URI1: variants seen among roughly 807,000 people sequenced by gnomAD.
The protein encoded by URI1 is URI1 prefoldin like chaperone.
URI1 carries 39 observed loss-of-function variants against 60.2 expected under a neutral mutation model. The ratio of observed to expected loss-of-function variants is 0.65; its 90% CI spans 0.50 to 0.85. The LOEUF (loss-of-function observed/expected upper bound fraction) is 0.85. URI1 is among the 40% of genes least tolerant of loss of function. The pLI is 0.00. For missense variants in URI1, 691 were observed against 665.9 expected (o/e 1.04, Z -0.42); for synonymous variants, 251 against 236.8 (o/e 1.06, Z -0.55).
chr19:29,972,557 G>C (rs1444708177), intron 2 of URI1, among the ~76,000 whole-genome samples: 2 of 152,058 alleles, frequency 1.3e-5, no homozygotes, highest in Non-Finnish European at 2.9e-5. Flanking sequence ...TACATAAATG[G>C]GTGAATGGTA....
intron 8 of URI1, 72 bp from the exon 9 acceptor site, chr19:30,011,022 A>T: frequency 6.7e-7 from 1 of 1,498,834 alleles, no homozygotes; most frequent in Non-Finnish European, 9.0e-7. Context: ...TTAGTTATAG[A>T]GTTTATTTGT....
intron 2 of URI1, among the ~76,000 whole-genome samples, chr19:29,974,522 A>G (rs1387280898): frequency 6.6e-6 from 1 of 152,098 alleles, no homozygotes; most frequent in South Asian, 2.1e-4. Flanking sequence ...ATAATCATCA[A>G]CTCATGATTT....
intron 8 of URI1, among the ~76,000 whole-genome samples, chr19:30,010,691 A>G (rs983297919): frequency 6.6e-6 from 1 of 152,204 alleles, no homozygotes; most frequent in Admixed American, 6.5e-5. Flanking sequence ...GCATTATTTA[A>G]TAGTACTTTT....
upstream of URI1, among the ~76,000 whole-genome samples, chr19:29,938,181 G>T (rs889688793): frequency 1.3e-5 from 2 of 152,132 alleles, no homozygotes; most frequent in Non-Finnish European, 2.9e-5. Context: ...TGTAAAGAAA[G>T]GAGGTTTATT....
chr19:29,938,033 C>G (rs2054988651), upstream of URI1: 3 of 152,016 alleles, frequency 2.0e-5, no homozygotes, highest in African/African-American at 7.3e-5. Context: ...TTTTTTGTAT[C>G]TTTAGTAGAG....
At chr19:29,937,038 C>T (rs1318471085) in intron 1 of URI1, among the ~76,000 whole-genome samples, 2 of 152,204 alleles carry the variant, frequency 1.3e-5, no homozygotes, top group Non-Finnish European at 2.9e-5. Flanking sequence ...AGGCATGAGC[C>T]ACCATGGCCA....
chr19:29,942,104 C>A (rs1223440527), upstream of URI1: 71 of 518,454 alleles, frequency 1.4e-4, no homozygotes, highest in Admixed American at 1.9e-4. Flanking sequence ...CAAACGCAGC[C>A]CAGCGCGGAC....
chr19:29,986,193 A>C (rs1313372888), intron 3 of URI1, 89 bp from the exon 4 acceptor site: 18 of 1,290,814 alleles, frequency 1.4e-5, no homozygotes, highest in Non-Finnish European at 1.4e-5. Flanking sequence ...AAATTCAGTT[A>C]TGTAAGGCTT....
chr19:29,936,088 TA>T (rs1021352479), intron 1 of URI1, among the ~76,000 whole-genome samples: 29 of 151,990 alleles, frequency 1.9e-4, no homozygotes, highest in Middle Eastern at 3.4e-3. Context: ...GCCCGGCACT[TA>T]AAAAAAATTT....
chr19:29,951,799 T>C (rs335051), intron 1 of URI1, among the ~76,000 whole-genome samples: 4,088 of 152,194 alleles, frequency 0.027, 188 homozygotes, highest in African/African-American at 0.093. Context: ...CCACCTGCCT[T>C]GGCCTCCCAA....
At chr19:30,011,630 T>C (rs2145449745) in intron 9 of URI1, among the ~76,000 whole-genome samples, 1 of 152,004 alleles carries the variant, frequency 6.6e-6, no homozygotes, top group South Asian at 2.1e-4. Flanking sequence ...TTTTTTTTTT[T>C]TTTCCTTTTT....
intron 1 of URI1, among the ~76,000 whole-genome samples, chr19:29,948,539 T>TTTA (rs1296377806): frequency 6.6e-6 from 1 of 151,658 alleles, no homozygotes; most frequent in Non-Finnish European, 1.5e-5. Flanking sequence ...CAATAAGTAA[T>TTTA]GTTGAAGTTA....
chr19:29,975,885 G>A (rs752007682), intron 2 of URI1, among the ~76,000 whole-genome samples: 20 of 152,086 alleles, frequency 1.3e-4, no homozygotes, highest in Non-Finnish European at 2.8e-4. Flanking sequence ...CATAATGTAA[G>A]TGTTTGTGTA....
intron 1 of URI1, among the ~76,000 whole-genome samples, chr19:29,963,717 C>T (rs949520588): frequency 1.3e-5 from 2 of 152,096 alleles, no homozygotes; most frequent in Admixed American, 6.6e-5. Flanking sequence ...CTGGAAAAGG[C>T]GCGTCCTTTC....
intron 1 of URI1, among the ~76,000 whole-genome samples, chr19:29,954,037 T>C (rs1599669298): frequency 1.3e-5 from 2 of 152,322 alleles, no homozygotes; most frequent in East Asian, 1.9e-4. Context: ...TTCAAATCCA[T>C]TACCACAAGG....
At chr19:29,928,147 G>A (rs768083910) in intron 1 of URI1, among the ~76,000 whole-genome samples, 18 of 152,126 alleles carry the variant, frequency 1.2e-4, no homozygotes, top group Non-Finnish European at 1.0e-4. Context: ...TTTTCAAGAT[G>A]ACCGCAGCTG....
In URI1 at chr19:30,012,361, G is replaced by A. The variant is rs1322444534; in HGVS notation, c.1255G>A (p.Val419Met). 6.2e-7 allele frequency: 1 copy of A among 1,614,208 alleles called. No individual in the cohort carries two copies. The highest frequency in any genetic ancestry group is 8.5e-7 in the Non-Finnish European group (1 of 1,180,030). Reference sequence around the variant, plus strand: ...GAAGTCTCGAAGTAGAGAGAATAGTGTGTGTAGCGACACTAGTGAAAGCAG... The same window carrying A: ...GAAGTCTCGAAGTAGAGAGAATAGTATGTGTAGCGACACTAGTGAAAGCAG... The part of the protein sequence containing the change: ...ILKSRSRENS[V>M]CSDTSESSAA... The change falls in exon 10 of 11, where the codon GTG becomes ATG. Residue 419 changes from valine to methionine, a missense_variant. Val to Met is a conservative substitution (Grantham distance 21, BLOSUM62 1). Coordinates refer to ENST00000392271, the MANE Select transcript of URI1 (RefSeq NM_003796.3).
Position 30,015,237 on chromosome 19 carries a change from T to C in URI1, c.*168T>C, listed in dbSNP as rs1395956009. 7.0e-6 allele frequency: 10 copies of C among 1,420,230 alleles called. No homozygotes were observed. The East Asian group carries it at 2.5e-4, about 36-fold the overall frequency. The allele number at this position is 1,420,230 out of a possible 1,614,324, so 88.0% of individuals were successfully genotyped here. On this transcript the variant is annotated 3_prime_UTR_variant, in exon 11 of 11. Transcript: ENST00000392271. ...GGTATTTGAAAAAAATCAAGGTAAC[T>C]GTCTGAATACTTTAATATCAGCTTG...
At chr19:29,981,127 C>G (rs1373769987) in intron 2 of URI1, among the ~76,000 whole-genome samples, 26 of 150,800 alleles carry the variant, frequency 1.7e-4, no homozygotes. Context: ...TTATTTTTGT[C>G]AGTCACTTTT....
Sources: gnomAD v4.1 joint callset for allele counts (sites outside exome capture counted in the v4.1 genomes callset) on GRCh38, gnomAD v4.1.1 for gene constraint, MANE v1.5 for transcripts, NCBI Gene and HGNC (gene_info 2026-07-23, HGNC 2026-07-21) for gene names.